Variants in TRPM3 observed in about 807,000 individuals in gnomAD.
TRPM3 encodes the protein long transient receptor potential channel 3.
Under a neutral mutation model 181.2 loss-of-function variants are expected in TRPM3, and 77 were observed. The ratio of observed to expected loss-of-function variants is 0.42; its 90% CI spans 0.35 to 0.51. The LOEUF (loss-of-function observed/expected upper bound fraction) is 0.51, where lower values mean the gene tolerates loss of function less well. TRPM3 is among the 20% of genes least tolerant of loss of function. TRPM3 has a pLI of 0.01. For synonymous variants in TRPM3, 745 were observed against 796.4 expected (o/e 0.94, Z 1.09); for missense variants, 1,759 against 2,196.7 (o/e 0.80, Z 3.98).
intron 7 of TRPM3, among the ~76,000 whole-genome samples, chr9:70,763,861 A>T (rs2078609457): frequency 6.6e-6 from 1 of 152,196 alleles, no homozygotes; most frequent in Non-Finnish European, 1.5e-5. Context: ...GGGTTCAGGG[A>T]AGACTCTTCT....
At chr9:71,215,630 T>C (rs1477008538) in intron 1 of TRPM3, among the ~76,000 whole-genome samples, 6 of 152,222 alleles carry the variant, frequency 3.9e-5, no homozygotes, top group Admixed American at 3.9e-4. Flanking sequence ...TAGACCATGG[T>C]TAGGAAATTA....
At chr9:71,108,851 A>G (rs990784505) in intron 1 of TRPM3, among the ~76,000 whole-genome samples, 2 of 152,204 alleles carry the variant, frequency 1.3e-5, no homozygotes, top group African/African-American at 4.8e-5. Context: ...AGTTAATGTT[A>G]TATGTCAACT....
At chr9:71,245,843 T>A (rs775253883) in intron 1 of TRPM3, among the ~76,000 whole-genome samples, 2 of 151,826 alleles carry the variant, frequency 1.3e-5, no homozygotes, top group Non-Finnish European at 2.9e-5. Context: ...AGACACAGAG[T>A]TTGTGGCTAA....
intron 1 of TRPM3, among the ~76,000 whole-genome samples, chr9:71,145,515 AC>A (rs2075356781): frequency 6.6e-6 from 1 of 152,188 alleles, no homozygotes; most frequent in Non-Finnish European, 1.5e-5. Context: ...CTGTTACAAA[AC>A]CTGGAGTTGT....
At chr9:71,078,309 G>A (rs1259273153) in intron 1 of TRPM3, among the ~76,000 whole-genome samples, 6 of 152,126 alleles carry the variant, frequency 3.9e-5, no homozygotes, top group Non-Finnish European at 2.9e-5. Flanking sequence ...ATAATTTTAT[G>A]TGGAAATAAA....
At chr9:71,042,289 T>C (rs1480162158) in intron 1 of TRPM3, among the ~76,000 whole-genome samples, 1 of 152,232 alleles carries the variant, frequency 6.6e-6, no homozygotes, top group South Asian at 2.1e-4. Context: ...GCCTCTGCTG[T>C]GCTAATTTGT....
chr9:71,159,688 G>T (rs1348113474), intron 1 of TRPM3, among the ~76,000 whole-genome samples: 2 of 152,046 alleles, frequency 1.3e-5, no homozygotes, highest in Non-Finnish European at 2.9e-5. Flanking sequence ...AATGCAACGT[G>T]GGTATATGTC....
At chr9:71,197,501 T>A (rs1188260542) in intron 1 of TRPM3, among the ~76,000 whole-genome samples, 2 of 151,908 alleles carry the variant, frequency 1.3e-5, no homozygotes, top group Non-Finnish European at 2.9e-5. Context: ...TGTAAAAGTG[T>A]TCCTATTTCT....
chr9:71,437,679 C>T (rs2094063909), intron 1 of TRPM3, among the ~76,000 whole-genome samples: 1 of 151,712 alleles, frequency 6.6e-6, no homozygotes, highest in Non-Finnish European at 1.5e-5. Context: ...ACCAGCCTGG[C>T]CAACATGGTG....
At chr9:71,184,122 G>A (rs2077548164) in intron 1 of TRPM3, among the ~76,000 whole-genome samples, 1 of 152,082 alleles carries the variant, frequency 6.6e-6, no homozygotes, top group South Asian at 2.1e-4. Context: ...CATTAGGGGT[G>A]CTCTTCGAGA....
At chr9:70,752,215 A>C (rs1314304329) in intron 8 of TRPM3, among the ~76,000 whole-genome samples, 1 of 152,326 alleles carries the variant, frequency 6.6e-6, no homozygotes, top group East Asian at 1.9e-4. Context: ...CACTGATTAG[A>C]AAAATAGGGC....
intron 22 of TRPM3, among the ~76,000 whole-genome samples, chr9:70,566,464 C>T (rs996600375): frequency 6.6e-6 from 1 of 152,040 alleles, no homozygotes; most frequent in Non-Finnish European, 1.5e-5. Flanking sequence ...CATGTGGAGG[C>T]TTTGGAAGGA....
At chr9:71,155,229 A>C (rs562343863) in intron 1 of TRPM3, among the ~76,000 whole-genome samples, 215 of 152,296 alleles carry the variant, frequency 1.4e-3, no homozygotes, top group Non-Finnish European at 2.5e-3. Flanking sequence ...TAAACAAATA[A>C]ACTGAACAAA....
intron 1 of TRPM3, among the ~76,000 whole-genome samples, chr9:71,061,642 C>A (rs1033913700): frequency 6.6e-6 from 1 of 152,050 alleles, no homozygotes. Context: ...AATTGAGGTA[C>A]TCAGTCTCTA....
At chr9:71,121,691 CT>C (rs2073670304), upstream of TRPM3, 1 of 1,053,464 alleles carries the variant, frequency 9.5e-7, no homozygotes, top group Admixed American at 5.1e-5. Flanking sequence ...GGGGCCATTG[CT>C]TTGCTAGCTT....
chr9:70,571,156 A>G (rs973019941), intron 22 of TRPM3, among the ~76,000 whole-genome samples: 1 of 152,124 alleles, frequency 6.6e-6, no homozygotes, highest in Non-Finnish European at 1.5e-5. Flanking sequence ...ATTCTGCCAT[A>G]CCTACAGACA....
intron 1 of TRPM3, among the ~76,000 whole-genome samples, chr9:71,207,459 A>C (rs1012332728): frequency 1.3e-5 from 2 of 152,174 alleles, no homozygotes; most frequent in South Asian, 4.1e-4. Context: ...TTCACAAACC[A>C]AAATTAAAGA....
chr9:71,181,426 C>T (rs2077397574), intron 1 of TRPM3, among the ~76,000 whole-genome samples: 1 of 143,638 alleles, frequency 7.0e-6, no homozygotes, highest in Non-Finnish European at 1.5e-5. Context: ...AGATGATAAA[C>T]AAAACAATAA....
At chr9:71,439,137 G>A (rs4745085) in intron 1 of TRPM3, among the ~76,000 whole-genome samples, 148,840 of 152,316 alleles carry the variant, frequency 0.98, 72,809 homozygotes, top group East Asian at 1. Context: ...TCTGCTATAG[G>A]AAATAATCAT....
Sources: gnomAD v4.1 joint callset for allele counts (sites outside exome capture counted in the v4.1 genomes callset) on GRCh38, gnomAD v4.1.1 for gene constraint, MANE v1.5 for transcripts, NCBI Gene and HGNC (gene_info 2026-07-23, HGNC 2026-07-21) for gene names.